SRSF2: variants seen among roughly 807,000 people sequenced by gnomAD.
SRSF2 encodes serine and arginine rich splicing factor 2.
Under a neutral mutation model 15.7 loss-of-function variants are expected in SRSF2, and 4 were observed. The observed-to-expected ratio is 0.26, with a 90% confidence interval of 0.13 to 0.58. The LOEUF is 0.58. Ranked by LOEUF, SRSF2 falls within the 20% of genes least tolerant of loss-of-function variation. The probability of loss-of-function intolerance (pLI) is 0.90; values close to 1 mark genes in which losing one functional copy is unlikely to be tolerated. For missense variants in SRSF2, 147 were observed against 332.4 expected (o/e 0.44, Z 4.34); for synonymous variants, 192 against 138.9 (o/e 1.38, Z -2.69).
Position 76,737,144 on chromosome 17 carries a change from G to A in SRSF2, c.17C>T (p.Pro6Leu). The change falls in exon 1 of 3, where the codon CCC becomes CTC. Residue 6 changes from proline to leucine, a missense_variant. By Grantham distance (98) the Pro-to-Leu change is moderately conservative. This residue lies in a region of SRSF2 where 22 missense variants were observed against 147.3 expected (regional missense o/e 0.15). Transcript: ENST00000359995. ...GGTCATACCCTCCACATCGGGAGGG[G>A]GGCGGCCGTAGCTCATAGCTCTGAG... Reference protein sequence around the residue: MSYGRPPPDVEGMTSL... With the variant: MSYGRLPPDVEGMTSL... 1 of 1,589,518 alleles carries A rather than the reference G, an allele frequency of 6.3e-7. No individual in the cohort carries two copies. The highest frequency in any genetic ancestry group is 1.3e-5 in the African/African-American group (1 of 74,512).
In SRSF2 at chr17:76,736,302, C is replaced by T. The variant is rs748204143; in HGVS notation, c.525G>A (p.Ser175=). 6.2e-7 allele frequency: 1 copy of T among 1,614,028 alleles called. No individual in the cohort carries two copies. The highest frequency in any genetic ancestry group is 8.5e-7 in the Non-Finnish European group (1 of 1,180,008). Residue 175 remains serine (S), a synonymous_variant, in exon 2 of 3, where the codon TCG becomes TCA. Coordinates refer to ENST00000359995, the MANE Select transcript of SRSF2 (RefSeq NM_001195427.2). Reference sequence around the variant, plus strand: ...TGGACCGCGAACGAGATCTGGAGACCGACGAGGACTTGGACTTGGACCTTC... The same window carrying T: ...TGGACCGCGAACGAGATCTGGAGACTGACGAGGACTTGGACTTGGACCTTC... ...SARRSKSKSS[S]VSRSRSRSRS...
intron 1 of SRSF2, 137 bp downstream of exon 1, chr17:76,736,662 G>A (rs1408333395): frequency 7.5e-6 from 9 of 1,206,972 alleles, no homozygotes; most frequent in African/African-American, 3.2e-5. Context: ...CGGGGTGGCC[G>A]GAGGGTCGCG....
chr17:76,736,574 C>T, intron 1 of SRSF2, 110 bp from the exon 2 acceptor site: 1 of 1,323,140 alleles, frequency 7.6e-7, no homozygotes, highest in Non-Finnish European at 1.0e-6. Flanking sequence ...ACGCCATTTC[C>T]CCAGTCGCGA....
chr17:76,735,143 CTGCT>C lies in SRSF2; in HGVS notation c.*19_*22del, dbSNP rs1362723358. ...TTTTTCCCCAAGTCCTCCGTTTACA[CTGCT>C]TGCCGATACATCTAGGTTTGAAAAG... On this transcript the variant is annotated 3_prime_UTR_variant, in exon 3 of 3. Transcript: ENST00000359995. The C allele has an allele frequency of 4.6e-6, 1 of 219,114 alleles. No homozygotes were observed. Among genetic ancestry groups the C allele is most frequent in the Non-Finnish European group, 9.2e-6 (1 of 109,018 alleles). The allele number at this position is 219,114 out of a possible 1,614,324, so 13.6% of individuals were successfully genotyped here. A position where few individuals can be genotyped will look rare whatever the true frequency, so the allele number is the denominator to read the frequency against.
intron 1 of SRSF2, 130 bp from the exon 2 acceptor site, chr17:76,736,594 CT>C: frequency 8.2e-7 from 1 of 1,217,528 alleles, no homozygotes; most frequent in Non-Finnish European, 1.1e-6. Context: ...AGGCGGGGTC[CT>C]CCGCCCCGCG....
chr17:76,737,023 C>T lies in SRSF2; in HGVS notation c.138G>A (p.Pro46=). ...KYGRVGDVYI[P]RDRYTKESRG... ...GGGACTCCTTGGTGTAGCGGTCCCG[C>T]GGGATGTACACGTCGCCGACGCGCC... The change falls in exon 1 of 3, where the codon CCG becomes CCA. Residue 46 remains proline (P), a synonymous_variant. Transcript: ENST00000359995. 1 of 1,613,408 alleles carries T rather than the reference C, an allele frequency of 6.2e-7. No individual in the cohort carries two copies. Among genetic ancestry groups the T allele is most frequent in the East Asian group, 2.2e-5 (1 of 44,874 alleles).
chr17:76,735,463 A>G (rs1227632698), intron 2 of SRSF2: 2 of 227,144 alleles, frequency 8.8e-6, no homozygotes, highest in African/African-American at 4.4e-5. Context: ...ATTGGTCTAT[A>G]TTTCATTAAG....
At chr17:76,737,334 G>C (rs898883904), upstream of SRSF2, 5 of 844,186 alleles carry the variant, frequency 5.9e-6, no homozygotes, top group East Asian at 5.6e-5. Context: ...TAACAACTGG[G>C]CGGGCAGCCG....
In SRSF2 at chr17:76,734,883, T is replaced by C. The variant is rs1369981313; in HGVS notation, c.*283A>G. On this transcript the variant is annotated 3_prime_UTR_variant, in exon 3 of 3. Coordinates refer to ENST00000359995, the MANE Select transcript of SRSF2 (RefSeq NM_001195427.2). The stretch of plus-strand genomic sequence containing the variant: ...TTTCAAACAAAAAAAGTCAGCACTA[T>C]ATAACAAAATGAAATTTTACCTCAA... 1 of 238,800 alleles carries C rather than the reference T, an allele frequency of 4.2e-6. No homozygotes were observed. Among genetic ancestry groups the C allele is most frequent in the Non-Finnish European group, 8.9e-6 (1 of 112,898 alleles). 14.8% of individuals were successfully genotyped at this position (238,800 alleles called of 1,614,324 possible). A position where few individuals can be genotyped will look rare whatever the true frequency, so the allele number is the denominator to read the frequency against.
intron 2 of SRSF2, 186 bp downstream of exon 2, chr17:76,735,968 A>G (rs776646162): frequency 3.6e-5 from 23 of 634,570 alleles, no homozygotes; most frequent in Middle Eastern, 5.0e-4. Context: ...AACAGCCATT[A>G]TTATCTAAGC....
chr17:76,736,598 G>T (rs563622861), intron 1 of SRSF2, 134 bp from the exon 2 acceptor site: 25 of 1,176,736 alleles, frequency 2.1e-5, no homozygotes, highest in Non-Finnish European at 2.6e-5. Context: ...GGGGTCCTCC[G>T]CCCCGCGCCG....
Position 76,736,483 on chromosome 17 carries a change from A to G in SRSF2, c.363-19T>C. ...CCTAGGGCTGCGGGCGGGACGAGCA[A>G]GCACAGCGGGGTTAATTCCAGGCAG... On this transcript the variant is annotated intron_variant, in intron 1 of 2. Coordinates refer to ENST00000359995, the MANE Select transcript of SRSF2 (RefSeq NM_001195427.2). The G allele has an allele frequency of 1.2e-6, 2 of 1,606,938 alleles. No individual in the cohort carries two copies. Among genetic ancestry groups the G allele is most frequent in the South Asian group, 2.2e-5 (2 of 91,030 alleles).
Position 76,737,116 on chromosome 17 carries a change from G to A in SRSF2, c.45C>T (p.Ser15=), listed in dbSNP as rs17849462. 2.2e-4 allele frequency: 352 copies of A among 1,607,998 alleles called. No homozygotes were observed. The African/African-American group carries it at 4.2e-3, about 19-fold the overall frequency. Residue 15 remains serine, a synonymous_variant, in exon 1 of 3, where the codon TCC becomes TCT. Coordinates refer to ENST00000359995, the MANE Select transcript of SRSF2 (RefSeq NM_001195427.2). ...GGTAGGTCAGGTTGTCCACCTTGAGGGAGGTCATACCCTCCACATCGGGAG... is the reference window on the plus strand; with the variant it reads ...GGTAGGTCAGGTTGTCCACCTTGAGAGAGGTCATACCCTCCACATCGGGAG... ...RPPPDVEGMT[S]LKVDNLTYRT... is the part of the protein sequence containing the mutation.
At chr17:76,736,069 T>C in intron 2 of SRSF2, 85 bp downstream of exon 2, 2 of 1,366,490 alleles carry the variant, frequency 1.5e-6, no homozygotes, top group African/African-American at 2.9e-5. Context: ...ATAGGAGTCA[T>C]TCTTACATTA....
In SRSF2 at chr17:76,737,315, G is replaced by A. The variant is rs796467435; in HGVS notation, c.-155C>T. The A allele has an allele frequency of 1.8e-4, 193 of 1,084,414 alleles. No individual in the cohort carries two copies. In the African/African-American group the frequency reaches 2.5e-3, roughly 14 times the overall value. 67.2% of individuals were successfully genotyped at this position (1,084,414 alleles called of 1,614,324 possible). On this transcript the variant is annotated 5_prime_UTR_variant, in exon 1 of 3. Transcript: ENST00000359995. ...GCACGGACGGGCTCCGCAGGCTAGC[G>A]CACCTGAGTAACAACTGGGCGGGCA... is the stretch of plus-strand genomic sequence containing the variant.
chr17:76,736,788 G>A lies in SRSF2; in HGVS notation c.362+11C>T, dbSNP rs971118278. 3.3e-6 allele frequency: 5 copies of A among 1,527,536 alleles called. No individual in the cohort carries two copies. The highest frequency in any genetic ancestry group is 2.7e-5 in the African/African-American group (2 of 72,874). The allele number at this position is 1,527,536 out of a possible 1,614,324, so 94.6% of individuals were successfully genotyped here. On this transcript the variant is annotated intron_variant, in intron 1 of 2. Transcript: ENST00000359995. Reference sequence around the variant, plus strand: ...CGCCCCGCCTCCCGCGGTCCCCTCAGCCCCGTTTACCTGCGGCTCCGGCGT... The same window carrying A: ...CGCCCCGCCTCCCGCGGTCCCCTCAACCCCGTTTACCTGCGGCTCCGGCGT...
At chr17:76,735,490 G>A (rs2077418227) in intron 2 of SRSF2, 1 of 227,152 alleles carries the variant, frequency 4.4e-6, no homozygotes, top group Admixed American at 5.7e-5. Context: ...TGTTTCAAAT[G>A]AAACATTTGG....
intron 2 of SRSF2, 130 bp downstream of exon 2, chr17:76,736,024 C>T: frequency 5.3e-6 from 5 of 942,048 alleles, no homozygotes; most frequent in Non-Finnish European, 8.0e-6. Flanking sequence ...GTATTACTCC[C>T]AAAGGTGAGT....
Position 76,737,074 on chromosome 17 carries a change from C to A in SRSF2, c.87G>T (p.Thr29=). 1 of 1,612,848 alleles carries A rather than the reference C, an allele frequency of 6.2e-7. No individual in the cohort carries two copies. Among genetic ancestry groups the A allele is most frequent in the Non-Finnish European group, 8.5e-7 (1 of 1,179,540 alleles). The part of the protein sequence containing the change: ...DNLTYRTSPD[T]LRRVFEKYGR... ...CGTACTTCTCGAAGACGCGCCTCAGCGTGTCGGGCGAGGTGCGGTAGGTCA... is the reference window on the plus strand; with the variant it reads ...CGTACTTCTCGAAGACGCGCCTCAGAGTGTCGGGCGAGGTGCGGTAGGTCA... Residue 29 remains threonine, a synonymous_variant, in exon 1 of 3, where the codon ACG becomes ACT. Coordinates refer to ENST00000359995, the MANE Select transcript of SRSF2 (RefSeq NM_001195427.2).
Sources: gnomAD v4.1 joint callset for allele counts on GRCh38, gnomAD v4.1.1 for gene constraint, gnomAD v4.1.1 regional missense constraint, MANE v1.5 for transcripts, NCBI Gene and HGNC (gene_info 2026-07-23, HGNC 2026-07-21) for gene names.